Variants in COL4A1 observed in about 807,000 individuals in gnomAD.
The protein encoded by COL4A1 is collagen type IV alpha 1 chain, also known as collagen alpha-1(IV) chain.
Under a neutral mutation model 216.6 loss-of-function variants are expected in COL4A1, and 40 were observed. That is an observed-to-expected ratio of 0.18 (90% CI 0.14 to 0.24). COL4A1 has a LOEUF of 0.24. COL4A1 is among the 10% of genes least tolerant of loss of function. The probability of loss-of-function intolerance (pLI) is 1.00; values close to 1 mark genes in which losing one functional copy is unlikely to be tolerated. For synonymous variants in COL4A1, 839 were observed against 810.7 expected (o/e 1.03, Z -0.59); for missense variants, 1,628 against 2,196.8 (o/e 0.74, Z 5.18).
chr13:110,175,125 A>G, intron 37 of COL4A1, 93 bp downstream of exon 37: 1 of 1,512,256 alleles, frequency 6.6e-7, no homozygotes, highest in Middle Eastern at 2.2e-4. Context: ...GTTATGGCTC[A>G]TTGAGTGTGC....
intron 1 of COL4A1, among the ~76,000 whole-genome samples, chr13:110,263,296 G>C (rs1487749044): frequency 2.6e-5 from 4 of 152,134 alleles, no homozygotes; most frequent in Admixed American, 6.5e-5. Flanking sequence ...AGATAAGACA[G>C]AATACAGCAT....
chr13:110,171,535 T>C (rs1166942489), intron 41 of COL4A1, among the ~76,000 whole-genome samples: 5 of 152,218 alleles, frequency 3.3e-5, no homozygotes, highest in African/African-American at 1.2e-4. Flanking sequence ...AAATTCTATG[T>C]TTAGTTTTAA....
intron 1 of COL4A1, among the ~76,000 whole-genome samples, chr13:110,284,521 T>C (rs1883762906): frequency 6.6e-6 from 1 of 152,204 alleles, no homozygotes; most frequent in Non-Finnish European, 1.5e-5. Context: ...ATGCACACGC[T>C]TCAAGAATGT....
intron 1 of COL4A1, chr13:110,298,533 CTTTGG>C (rs1566454021): frequency 3.9e-5 from 6 of 152,230 alleles, no homozygotes; most frequent in Admixed American, 2.6e-4. Flanking sequence ...CATTTTCCTG[CTTTGG>C]TAAGTTTATC....
intron 1 of COL4A1, among the ~76,000 whole-genome samples, chr13:110,293,537 T>A (rs1884164650): frequency 6.6e-6 from 1 of 152,240 alleles, no homozygotes. Context: ...TGACTTGAGA[T>A]GGCAATTGAC....
chr13:110,299,359 C>G (rs1334813250), intron 1 of COL4A1, among the ~76,000 whole-genome samples: 1 of 152,222 alleles, frequency 6.6e-6, no homozygotes, highest in Non-Finnish European at 1.5e-5. Flanking sequence ...GCTGTGAGCT[C>G]ATGTTGGACA....
Position 110,174,691 on chromosome 13 carries a change from C to T in COL4A1, c.3257G>A (p.Ser1086Asn). The T allele has an allele frequency of 4.3e-6, 7 of 1,613,922 alleles. No homozygotes were observed. The highest frequency in any genetic ancestry group is 5.9e-6 in the Non-Finnish European group (7 of 1,179,798). ...CCCTGGCATTCCTGGGATCCCAATG[C>T]TTCCTTTTTCTCCCTTCTCTCCAGG... ...GSPGEKGEKG[S>N]IGIPGMPGSP... The change falls in exon 38 of 52, where the codon AGC becomes AAC. Residue 1086 changes from serine to asparagine, a missense_variant. Coordinates refer to ENST00000375820, the MANE Select transcript of COL4A1 (RefSeq NM_001845.6).
chr13:110,230,320 ATGTGCATGCACGTGATG>A lies in COL4A1; in HGVS notation c.144+12338_144+12354del, dbSNP rs567888132. On this transcript the variant is annotated intron_variant, in intron 2 of 51. Coordinates refer to ENST00000375820, the MANE Select transcript of COL4A1 (RefSeq NM_001845.6). ...TGTGTGGTGTGTGCGTGTATGTGAT[ATGTGCATGCACGTGATG>A]TGTGCATGCACACATGTGAAGTAGA... Among the ~76,000 whole-genome samples, 31 of 151,998 alleles carry A rather than the reference ATGTGCATGCACGTGATG, an allele frequency of 2.0e-4. No individual in the cohort carries two copies. The East Asian group carries it at 4.1e-3, about 20-fold the overall frequency.
chr13:110,170,620 T>A lies in COL4A1; in HGVS notation c.3669A>T (p.Leu1223Phe), dbSNP rs1877593981. ...CCGTGGCATGGCCTGGGGATCCCGG[T>A]AACCCCGGCTGTCCCTGGGGCCCCG... The part of the protein sequence containing the change: ...GPPGPQGQPG[L>F]PGSPGHATEG... The change falls in exon 42 of 52, where the codon TTA becomes TTT. Residue 1223 changes from leucine to phenylalanine, a missense_variant. By Grantham distance (22) the Leu-to-Phe change is conservative (BLOSUM62 0). Coordinates refer to ENST00000375820, the MANE Select transcript of COL4A1 (RefSeq NM_001845.6). The A allele has an allele frequency of 6.2e-7, 1 of 1,612,412 alleles. No individual in the cohort carries two copies. The highest frequency in any genetic ancestry group is 1.1e-5 in the South Asian group (1 of 90,678).
intron 39 of COL4A1, 42 bp downstream of exon 39, chr13:110,174,404 T>G: frequency 1.2e-6 from 2 of 1,605,972 alleles, no homozygotes; most frequent in Non-Finnish European, 1.7e-6. Context: ...CTGGCCACTG[T>G]TCTCTATGTG....
At chr13:110,288,743 T>C (rs946099159) in intron 1 of COL4A1, among the ~76,000 whole-genome samples, 2 of 152,140 alleles carry the variant, frequency 1.3e-5, no homozygotes, top group Non-Finnish European at 1.5e-5. Flanking sequence ...CTGTAAATGA[T>C]GGGTGTCAGG....
At chr13:110,219,842 A>ATG (rs1185566795) in intron 2 of COL4A1, among the ~76,000 whole-genome samples, 12 of 54,822 alleles carry the variant, frequency 2.2e-4, no homozygotes, top group Non-Finnish European at 4.0e-4. Flanking sequence ...GTATGTATAT[A>ATG]TGTGTATATA....
chr13:110,263,556 C>T (rs1170407464), intron 1 of COL4A1, among the ~76,000 whole-genome samples: 2 of 152,128 alleles, frequency 1.3e-5, no homozygotes, highest in African/African-American at 2.4e-5. Flanking sequence ...TGGACTCATG[C>T]GATCCTCCTG....
chr13:110,177,989 G>T, intron 32 of COL4A1, 58 bp from the exon 33 acceptor site: 1 of 1,613,724 alleles, frequency 6.2e-7, no homozygotes, highest in Non-Finnish European at 8.5e-7. Context: ...GACAGTAAAT[G>T]CTGAGTCATA....
At chr13:110,229,915 T>A (rs1006127702) in intron 2 of COL4A1, among the ~76,000 whole-genome samples, 10 of 152,184 alleles carry the variant, frequency 6.6e-5, no homozygotes, top group African/African-American at 2.4e-4. Flanking sequence ...TTCACCCTCT[T>A]GTGGGTGACT....
intron 39 of COL4A1, 31 bp downstream of exon 39, chr13:110,174,415 C>A (rs765060699): frequency 1.9e-6 from 3 of 1,611,264 alleles, no homozygotes; most frequent in Non-Finnish European, 2.5e-6. Context: ...TCTCTATGTG[C>A]CCGGGCTGTG....
chr13:110,186,262 A>G (rs768997625), intron 26 of COL4A1, 123 bp downstream of exon 26: 72 of 1,260,442 alleles, frequency 5.7e-5, no homozygotes, highest in Non-Finnish European at 7.2e-5. Flanking sequence ...CAATTCCTGG[A>G]AGAATCAAAG....
intron 1 of COL4A1, among the ~76,000 whole-genome samples, chr13:110,267,313 CAAG>C (rs1016421558): frequency 2.0e-5 from 3 of 152,284 alleles, no homozygotes; most frequent in Admixed American, 6.5e-5. Context: ...TCAGCACCTC[CAAG>C]AAGGACAGAG....
intron 44 of COL4A1, among the ~76,000 whole-genome samples, chr13:110,166,943 T>A (rs1235829696): frequency 6.6e-6 from 1 of 152,240 alleles, no homozygotes; most frequent in African/African-American, 2.4e-5. Flanking sequence ...ATCCACTGAT[T>A]CTTAATAAGA....
Sources: gnomAD v4.1 joint callset for allele counts (sites outside exome capture counted in the v4.1 genomes callset) on GRCh38, gnomAD v4.1.1 for gene constraint, MANE v1.5 for transcripts, NCBI Gene and HGNC (gene_info 2026-07-23, HGNC 2026-07-21) for gene names.